Variants in MS4A14 observed in about 807,000 individuals in gnomAD.
MS4A14 encodes the protein membrane-spanning 4-domains subfamily A member 14.
A neutral mutation model predicts 16.7 loss-of-function variants in MS4A14; 18 were observed. That is an observed-to-expected ratio of 1.08 (90% confidence interval 0.75 to 1.60). The LOEUF is 1.60. MS4A14 is among the 40% of genes most tolerant of loss of function. The probability of loss-of-function intolerance (pLI) is 0.00; values close to 1 mark genes in which losing one functional copy is unlikely to be tolerated. For missense variants in MS4A14, 812 were observed against 775.3 expected, an observed-to-expected ratio of 1.05 and a Z score of -0.56; for synonymous variants, 305 against 289.4, an observed-to-expected ratio of 1.05 and a Z score of -0.55.
At position 60,416,987 on chromosome 11, in the gene MS4A14, C is replaced by T; in HGVS notation, c.2019C>T (p.Ala673=). The T allele has an allele frequency of 6.2e-7, 1 of 1,612,144 alleles. No homozygotes were observed. Among genetic ancestry groups the T allele is most frequent in the Non-Finnish European group, 8.5e-7 (1 of 1,178,968 alleles). The part of the protein sequence containing the change: ...AGQPRTVNLL[A]KNPLTG ...AACCCAGGACTGTCAATCTTTTGGC[C>T]AAGAATCCCCTGACTGGATAACTCA... Residue 673 remains alanine (A), a synonymous_variant, in exon 5 of 5, where the codon GCC becomes GCT. Coordinates refer to ENST00000300187, the MANE Select transcript of MS4A14 (RefSeq NM_032597.5).
chr11:60,404,657 C>G (rs1454059313), intron 4 of MS4A14: 1 of 452,090 alleles, frequency 2.2e-6, no homozygotes, highest in African/African-American at 2.0e-5. Context: ...CGGCTTTGAA[C>G]CGTCACCAGG....
In MS4A14 at chr11:60,396,727, T is replaced by C; in HGVS notation, c.138+11T>C. The C allele has an allele frequency of 6.2e-7, 1 of 1,612,326 alleles. No individual in the cohort carries two copies. The highest frequency in any genetic ancestry group is 8.5e-7 in the Non-Finnish European group (1 of 1,179,270). ...CCAAGAGTCTTGGGGGTAAGTCCTC[T>C]CCAGTCAATAGGTCTTCCAGAAGGG... On this transcript the variant is annotated intron_variant, in intron 1 of 4. Transcript: ENST00000300187.
At chr11:60,413,216 T>C (rs1226879208) in intron 4 of MS4A14, among the ~76,000 whole-genome samples, 2 of 152,022 alleles carry the variant, frequency 1.3e-5, no homozygotes, top group East Asian at 3.9e-4. Context: ...ACTTATTAGT[T>C]CCCATAGCTT....
At chr11:60,398,121 AACT>A in intron 2 of MS4A14, 141 bp downstream of exon 2, 1 of 758,450 alleles carries the variant, frequency 1.3e-6, no homozygotes, top group Admixed American at 3.0e-5. Flanking sequence ...CAAAAGAAGC[AACT>A]CCATTTGGTC....
intron 3 of MS4A14, 143 bp from the exon 4 acceptor site, chr11:60,402,769 A>G (rs1037596561): frequency 5.4e-5 from 43 of 790,052 alleles, no homozygotes; most frequent in Non-Finnish European, 8.4e-5. Flanking sequence ...TTAGTTTATT[A>G]AGCCTTCCAA....
chr11:60,414,216 T>A (rs1313575806), intron 4 of MS4A14, among the ~76,000 whole-genome samples: 1 of 152,104 alleles, frequency 6.6e-6, no homozygotes, highest in Non-Finnish European at 1.5e-5. Context: ...TAAATTAAAA[T>A]TCACATGAAA....
chr11:60,398,075 C>T (rs1484812642), intron 2 of MS4A14, 95 bp downstream of exon 2: 35 of 1,393,624 alleles, frequency 2.5e-5, no homozygotes, highest in Non-Finnish European at 2.6e-5. Flanking sequence ...TAAATATGGC[C>T]CTCCAGGAGA....
At chr11:60,398,497 C>G (rs2135121513) in intron 2 of MS4A14, among the ~76,000 whole-genome samples, 1 of 152,226 alleles carries the variant, frequency 6.6e-6, no homozygotes, top group South Asian at 2.1e-4. Flanking sequence ...TATCCAATCC[C>G]CACAGCCTGG....
Position 60,403,050 on chromosome 11 carries a change from A to T in MS4A14, c.457A>T (p.Thr153Ser). ...TGAAGAAATATGTGTTTTCAGTAGA[A>T]CTCTTTTCATTGTAAGTGGTCTTAT... ...SFEEICVFSR[T>S]LFIVLFFLPS... The change falls in exon 4 of 5, where the codon ACT becomes TCT. Residue 153 changes from threonine to serine, a missense_variant. Transcript: ENST00000300187. The T allele has an allele frequency of 6.2e-7, 1 of 1,613,310 alleles. No individual in the cohort carries two copies. Among genetic ancestry groups the T allele is most frequent in the Non-Finnish European group, 8.5e-7 (1 of 1,179,556 alleles).
rs2085946500 is a variant in MS4A14 at position 60,416,504 on chromosome 11, C to G, written c.1536C>G (p.Ser512=). ...SLDVQAKGQK[S]SKRHSLDQQS... ...ACGTGCAAGCCAAAGGCCAGAAATC[C>G]TCAAAGAGGCATTCCTTAGATCAGC... Residue 512 remains serine (S), a synonymous_variant, in exon 5 of 5, where the codon TCC becomes TCG. Coordinates refer to ENST00000300187, the MANE Select transcript of MS4A14 (RefSeq NM_032597.5). The G allele has an allele frequency of 6.2e-7, 1 of 1,613,770 alleles. No individual in the cohort carries two copies. The highest frequency in any genetic ancestry group is 1.1e-5 in the South Asian group (1 of 91,080).
chr11:60,410,379 C>A (rs1336816639), intron 4 of MS4A14, among the ~76,000 whole-genome samples: 6 of 152,200 alleles, frequency 3.9e-5, no homozygotes, highest in African/African-American at 1.2e-4. Context: ...ATATGATTTG[C>A]AAATATTTTC....
At position 60,416,826 on chromosome 11, in the gene MS4A14, C is replaced by T. The variant is rs200307761; in HGVS notation, c.1858C>T (p.Gln620Ter). 6.3e-5 allele frequency: 101 copies of T among 1,613,542 alleles called. No individual in the cohort carries two copies. Among genetic ancestry groups the T allele is most frequent in the Middle Eastern group, 1.6e-4 (1 of 6,082 alleles). The change falls in exon 5 of 5, where the codon CAA becomes TAA. Residue 620 changes from glutamine (Q) to a stop codon, truncating the protein, a stop_gained. Transcript: ENST00000300187. LOFTEE classifies it low-confidence loss of function (END_TRUNC). ...CCAAGAGAAGAAATCCCCGAAAGGA[C>T]AATTCCAAAATGTTCAAGCCGAAGG... is the stretch of plus-strand genomic sequence containing the variant. ...PAQEKKSPKG[Q>*]FQNVQAEGQQ... is the part of the protein sequence containing the mutation.
At chr11:60,408,342 A>T (rs1208252998) in intron 4 of MS4A14, among the ~76,000 whole-genome samples, 1 of 152,108 alleles carries the variant, frequency 6.6e-6, no homozygotes, top group Non-Finnish European at 1.5e-5. Flanking sequence ...TTATCATTTT[A>T]GTCATTTGTT....
At chr11:60,400,977 C>A (rs1194198170) in intron 3 of MS4A14, among the ~76,000 whole-genome samples, 1 of 152,192 alleles carries the variant, frequency 6.6e-6, no homozygotes, top group Non-Finnish European at 1.5e-5. Context: ...CCAATCCTAG[C>A]CCTATCTCCA....
intron 4 of MS4A14, 190 bp downstream of exon 4, chr11:60,403,251 T>A (rs2085741725): frequency 3.4e-6 from 2 of 594,300 alleles, no homozygotes; most frequent in Admixed American, 2.9e-5. Flanking sequence ...TGAATCCTGT[T>A]CACACAAGCT....
At chr11:60,410,653 A>C (rs971773290) in intron 4 of MS4A14, among the ~76,000 whole-genome samples, 8 of 152,106 alleles carry the variant, frequency 5.3e-5, no homozygotes, top group African/African-American at 1.7e-4. Flanking sequence ...ATTCTTTCAC[A>C]TGTGGATGCC....
intron 4 of MS4A14, chr11:60,405,764 C>A: frequency 1.5e-6 from 1 of 663,270 alleles, no homozygotes; most frequent in Non-Finnish European, 2.5e-6. Flanking sequence ...TGTCTGATGG[C>A]TACAGAACCA....
In MS4A14 at chr11:60,416,092, T is replaced by C; in HGVS notation, c.1124T>C (p.Met375Thr). 2 of 1,610,272 alleles carry C rather than the reference T, an allele frequency of 1.2e-6. No homozygotes were observed. The highest frequency in any genetic ancestry group is 1.7e-6 in the Non-Finnish European group (2 of 1,178,108). The change falls in exon 5 of 5, where the codon ATG (methionine) becomes ACG (threonine). Residue 375 changes from methionine to threonine, a missense_variant. Transcript: ENST00000300187. ...TSSQDMLFHD[M>T]TSQDMQSLDM... ...TCTCAAGATATGCTGTTTCATGACA[T>C]GACATCCCAAGATATGCAATCCCTA...
chr11:60,403,137 T>C (rs1340121652), intron 4 of MS4A14, 76 bp downstream of exon 4: 2 of 1,470,252 alleles, frequency 1.4e-6, no homozygotes, highest in East Asian at 4.5e-5. Flanking sequence ...GATTCACTGA[T>C]TTTTATTTTA....
Sources: gnomAD v4.1 joint callset for allele counts (sites outside exome capture counted in the v4.1 genomes callset) on GRCh38, gnomAD v4.1.1 for gene constraint, MANE v1.5 for transcripts, NCBI Gene and HGNC (gene_info 2026-07-23, HGNC 2026-07-21) for gene names.